The following RANBP17 variants were observed in gnomAD, a reference collection of about 807,000 sequenced individuals.
RANBP17 encodes RAN binding protein 17.
Under a neutral mutation model 141.2 loss-of-function variants are expected in RANBP17, and 158 were observed. That is an observed-to-expected ratio of 1.12 (90% CI 0.98 to 1.28). The LOEUF is 1.28. Among genes scored for constraint, RANBP17 ranks in the 50% most tolerant of loss-of-function variants. The pLI is 0.00. For synonymous variants in RANBP17, 430 were observed against 450.0 expected (o/e 0.96, Z 0.56); for missense variants, 1,438 against 1,290.7 (o/e 1.11, Z -1.75).
chr5:171,233,490 AT>A (rs33975426), intron 22 of RANBP17, among the ~76,000 whole-genome samples: 87,722 of 151,964 alleles, frequency 0.58, 26,240 homozygotes, highest in South Asian at 0.76. Flanking sequence ...GCTAAAACTG[AT>A]TTTTTTCAAT....
At chr5:171,096,401 AAT>A (rs368503418) in intron 14 of RANBP17, among the ~76,000 whole-genome samples, 35 of 152,332 alleles carry the variant, frequency 2.3e-4, no homozygotes, top group African/African-American at 8.2e-4. Flanking sequence ...CATTGAATTG[AAT>A]ATGTTATTGG....
intron 14 of RANBP17, among the ~76,000 whole-genome samples, chr5:170,995,169 A>G (rs1180095117): frequency 1.3e-5 from 2 of 152,062 alleles, no homozygotes; most frequent in South Asian, 2.1e-4. Context: ...TGGTGATTTT[A>G]TGTGTTACAG....
chr5:171,068,130 A>T (rs1347587045), intron 14 of RANBP17, among the ~76,000 whole-genome samples: 3 of 151,920 alleles, frequency 2.0e-5, no homozygotes, highest in Middle Eastern at 3.2e-3. Flanking sequence ...AAGTTCACTG[A>T]TTCTTTCTTC....
chr5:170,878,652 T>C (rs1435760726), intron 2 of RANBP17, among the ~76,000 whole-genome samples: 2 of 152,204 alleles, frequency 1.3e-5, no homozygotes, highest in African/African-American at 4.8e-5. Context: ...CCCATCTAGA[T>C]ATTCATAGTC....
At chr5:171,061,788 G>T (rs1374653183) in intron 14 of RANBP17, among the ~76,000 whole-genome samples, 1 of 152,138 alleles carries the variant, frequency 6.6e-6, no homozygotes, top group South Asian at 2.1e-4. Context: ...TTATTAATGT[G>T]TGGGAGTCTA....
intron 14 of RANBP17, among the ~76,000 whole-genome samples, chr5:171,047,306 C>G (rs1782655438): frequency 6.6e-6 from 1 of 151,862 alleles, no homozygotes; most frequent in Admixed American, 6.6e-5. Flanking sequence ...GTGTGAGCCA[C>G]TGCACTTGGC....
intron 14 of RANBP17, among the ~76,000 whole-genome samples, chr5:171,093,186 G>A (rs3849715): frequency 6.8e-6 from 1 of 146,718 alleles, no homozygotes; most frequent in South Asian, 2.2e-4. Flanking sequence ...CTCCAGACTG[G>A]ACAATAGCAG....
intron 12 of RANBP17, among the ~76,000 whole-genome samples, chr5:170,939,974 TA>T (rs1249765208): frequency 2.6e-5 from 4 of 152,068 alleles, no homozygotes; most frequent in African/African-American, 9.7e-5. Flanking sequence ...TCAATTTTTT[TA>T]AAAGCCAAGA....
At chr5:170,982,954 T>C (rs1777875372) in intron 14 of RANBP17, 1 of 326,538 alleles carries the variant, frequency 3.1e-6, no homozygotes, top group Non-Finnish European at 5.8e-6. Flanking sequence ...AGAAAGAAAA[T>C]GAATTTCAAC....
chr5:171,137,254 A>G (rs2127800255), intron 14 of RANBP17, among the ~76,000 whole-genome samples: 1 of 152,310 alleles, frequency 6.6e-6, no homozygotes. Flanking sequence ...TTACAATTTG[A>G]AAGTTTTGTA....
At chr5:171,053,649 A>C (rs1378979528) in intron 14 of RANBP17, among the ~76,000 whole-genome samples, 1 of 151,722 alleles carries the variant, frequency 6.6e-6, no homozygotes, top group Non-Finnish European at 1.5e-5. Flanking sequence ...TATATATAGA[A>C]TTATGTCATC....
At chr5:170,924,201 G>T (rs772945757) in intron 11 of RANBP17, among the ~76,000 whole-genome samples, 156 bp from the exon 12 acceptor site, 1 of 151,922 alleles carries the variant, frequency 6.6e-6, no homozygotes, top group African/African-American at 2.4e-5. Flanking sequence ...CGCTATGTTG[G>T]CCTGACTGGT....
At chr5:170,990,863 C>G (rs1333060309) in intron 14 of RANBP17, among the ~76,000 whole-genome samples, 2 of 151,936 alleles carry the variant, frequency 1.3e-5, no homozygotes, top group Non-Finnish European at 2.9e-5. Flanking sequence ...GGTCACTAAA[C>G]TCCTCTGCCA....
chr5:170,934,378 G>A (rs1773674474), intron 12 of RANBP17, among the ~76,000 whole-genome samples: 1 of 152,060 alleles, frequency 6.6e-6, no homozygotes, highest in South Asian at 2.1e-4. Flanking sequence ...TTTTTATGAT[G>A]TTAGCTGGTT....
intron 14 of RANBP17, among the ~76,000 whole-genome samples, chr5:171,053,547 C>T (rs1325326982): frequency 6.6e-6 from 1 of 152,002 alleles, no homozygotes; most frequent in African/African-American, 2.4e-5. Flanking sequence ...AGGAACTTAA[C>T]AGAATTTTTG....
intron 11 of RANBP17, among the ~76,000 whole-genome samples, chr5:170,921,785 G>A (rs1043340092): frequency 2.0e-4 from 30 of 152,028 alleles, no homozygotes; most frequent in Admixed American, 2.0e-4. Context: ...CCTTTAGCTC[G>A]GAGAAGTTTG....
At chr5:171,171,759 A>C (rs188052705) in intron 16 of RANBP17, among the ~76,000 whole-genome samples, 1 of 152,120 alleles carries the variant, frequency 6.6e-6, no homozygotes, top group East Asian at 1.9e-4. Flanking sequence ...TCATTAGTTG[A>C]AAGGCACAAT....
chr5:170,878,135 C>CG lies in RANBP17; in HGVS notation c.57_58insG (p.Ile20AspfsTer4), dbSNP rs747930513. 2.5e-6 allele frequency: 4 copies of CG among 1,611,560 alleles called. No homozygotes were observed. The highest frequency in any genetic ancestry group is 3.4e-6 in the Non-Finnish European group (4 of 1,178,782). ...TGGAAGTGTTATGTACTCATCTCTA[C>CG]ATAGGGACTGATCTTACACAAAGAA... On this transcript the variant is annotated frameshift_variant, in exon 2 of 28. Coordinates refer to ENST00000523189, the MANE Select transcript of RANBP17 (RefSeq NM_022897.5). LOFTEE classifies it high-confidence loss of function.
At chr5:171,088,079 G>T (rs1785836220) in intron 14 of RANBP17, among the ~76,000 whole-genome samples, 1 of 151,594 alleles carries the variant, frequency 6.6e-6, no homozygotes, top group South Asian at 2.1e-4. Flanking sequence ...TGACATTTTG[G>T]CATGATTTTG....
Sources: allele counts gnomAD v4.1 joint callset (sites outside exome capture counted in the v4.1 genomes callset), GRCh38; gene constraint gnomAD v4.1.1; transcripts MANE v1.5; gene names NCBI Gene and HGNC (gene_info 2026-07-23, HGNC 2026-07-21).